The following TTC23L variants were observed in gnomAD, a reference collection of about 807,000 sequenced individuals.
TTC23L encodes the protein tetratricopeptide repeat domain 23 like, also known as tetratricopeptide repeat protein 23-like.
TTC23L carries 42 observed loss-of-function variants against 48.1 expected under a neutral mutation model. The ratio of observed to expected loss-of-function variants is 0.87; its 90% CI spans 0.68 to 1.13. The LOEUF is 1.13. TTC23L is among the 50% of genes most tolerant of loss of function. The pLI, the probability that TTC23L is intolerant of heterozygous loss-of-function variation, is 0.00. For missense variants in TTC23L, 391 were observed against 421.0 expected (o/e 0.93, Z 0.62); for synonymous variants, 159 against 157.2 (o/e 1.01, Z -0.09).
chr5:34,893,973 C>T (rs1246274112), intron 9 of TTC23L, among the ~76,000 whole-genome samples: 4 of 152,260 alleles, frequency 2.6e-5, no homozygotes, highest in Non-Finnish European at 4.4e-5. Context: ...TTTAACCTAT[C>T]GTTTTTGTGG....
intron 3 of TTC23L, among the ~76,000 whole-genome samples, chr5:34,847,675 AT>A (rs990386599): frequency 6.6e-6 from 1 of 151,960 alleles, no homozygotes; most frequent in Non-Finnish European, 1.5e-5. Flanking sequence ...CATTCCAGTG[AT>A]TTTTTCATGG....
At chr5:34,880,307 A>G (rs377009873) in exon 9 of TTC23L, 121 of 1,607,028 alleles carry the variant, frequency 7.5e-5, no homozygotes, top group Non-Finnish European at 1.0e-4. Flanking sequence ...GGAGAAAAAC[A>G]GGTAAATATG....
At chr5:34,913,826 G>A in the TTC23L span, 5 of 523,026 alleles carry the variant, frequency 9.6e-6, no homozygotes, top group South Asian at 9.1e-5. Context: ...TACTGCTAAG[G>A]TCACTTGGAA....
chr5:34,843,816 TA>T (rs1284960155), intron 2 of TTC23L, among the ~76,000 whole-genome samples: 6 of 152,236 alleles, frequency 3.9e-5, no homozygotes, highest in Non-Finnish European at 8.8e-5. Context: ...CTCATTCATT[TA>T]TTCATCATTT....
At chr5:34,845,658 G>T in exon 3 of TTC23L, 1 of 1,602,360 alleles carries the variant, frequency 6.2e-7, no homozygotes, top group East Asian at 2.2e-5. Context: ...TAGCTCAGCT[G>T]ATTAAGGAAA....
intron 4 of TTC23L, 101 bp downstream of exon 4, chr5:34,850,409 T>C (rs1022243887): frequency 2.1e-6 from 3 of 1,448,642 alleles, no homozygotes; most frequent in Admixed American, 3.7e-5. Context: ...GGGCCCCTTC[T>C]TGCCCCTAGC....
chr5:34,895,936 A>T (rs896140777), intron 9 of TTC23L, among the ~76,000 whole-genome samples: 1 of 152,208 alleles, frequency 6.6e-6, no homozygotes, highest in Non-Finnish European at 1.5e-5. Context: ...CCAACACTCC[A>T]TCTACAAAAT....
the TTC23L span, chr5:34,914,528 G>C: frequency 1.5e-6 from 1 of 686,580 alleles, no homozygotes; most frequent in African/African-American, 1.8e-5. Context: ...AAGTAATGAC[G>C]TTTTGTTCTC....
downstream of TTC23L, among the ~76,000 whole-genome samples, chr5:34,903,250 A>G (rs1763553631): frequency 6.6e-6 from 1 of 152,230 alleles, no homozygotes; most frequent in African/African-American, 2.4e-5. Flanking sequence ...ACTGAATCAT[A>G]TAATTTTAAC....
the TTC23L span, chr5:34,919,723 C>G: frequency 5.2e-6 from 2 of 381,198 alleles, no homozygotes; most frequent in Non-Finnish European, 9.8e-6. Context: ...AATAAAATCT[C>G]CTTTAAACTG....
chr5:34,922,676 TTTG>T, the TTC23L span: 4 of 1,610,476 alleles, frequency 2.5e-6, no homozygotes, highest in Non-Finnish European at 3.4e-6. Flanking sequence ...TATTTTTGTT[TTTG>T]TTGTAATTTT....
intron 9 of TTC23L, among the ~76,000 whole-genome samples, chr5:34,891,982 T>C (rs185066212): frequency 6.6e-6 from 1 of 151,852 alleles, no homozygotes; most frequent in Admixed American, 6.6e-5. Flanking sequence ...AAAAGAAGAG[T>C]CTTTTAAGGA....
At chr5:34,898,778 C>A (rs1222147055) in intron 10 of TTC23L, among the ~76,000 whole-genome samples, 1 of 152,100 alleles carries the variant, frequency 6.6e-6, no homozygotes, top group Non-Finnish European at 1.5e-5. Flanking sequence ...AACAAATATT[C>A]TTTTCAAGTA....
chr5:34,907,521 G>A, the TTC23L span: 2 of 152,108 alleles, frequency 1.3e-5, no homozygotes, highest in South Asian at 4.1e-4. Flanking sequence ...GATAATTTTT[G>A]CATTTTATTA....
At chr5:34,846,707 G>A (rs336489) in intron 3 of TTC23L, among the ~76,000 whole-genome samples, 24,361 of 129,388 alleles carry the variant, frequency 0.19, 5,192 homozygotes, top group African/African-American at 0.5. Context: ...GTGTGTGTGT[G>A]TATCCATCCT....
At chr5:34,840,501 T>C (rs1758558155) in intron 1 of TTC23L, among the ~76,000 whole-genome samples, 164 bp from the exon 2 acceptor site, 1 of 152,194 alleles carries the variant, frequency 6.6e-6, no homozygotes, top group South Asian at 2.1e-4. Flanking sequence ...GGCAAATGTC[T>C]GTTTTCCAGC....
chr5:34,922,748 C>T, the TTC23L span: 64 of 1,613,844 alleles, frequency 4.0e-5, no homozygotes, highest in Middle Eastern at 1.6e-4. Context: ...AGGTTCTCGG[C>T]CCCTTTTGTC....
the TTC23L span, chr5:34,914,716 C>T: frequency 1.9e-6 from 3 of 1,614,110 alleles, no homozygotes; most frequent in African/African-American, 4.0e-5. Flanking sequence ...CATTTGCTTG[C>T]ACACACTTTG....
At chr5:34,848,395 G>A (rs1759391163) in intron 3 of TTC23L, among the ~76,000 whole-genome samples, 1 of 152,232 alleles carries the variant, frequency 6.6e-6, no homozygotes, top group South Asian at 2.1e-4. Flanking sequence ...AGCAAATATT[G>A]AATGTGTTAC....
Sources: allele counts gnomAD v4.1 joint callset (sites outside exome capture counted in the v4.1 genomes callset), GRCh38; gene constraint gnomAD v4.1.1; transcripts MANE v1.5; gene names NCBI Gene and HGNC (gene_info 2026-07-23, HGNC 2026-07-21).